Variants in NRXN3 observed in about 807,000 individuals in gnomAD.
NRXN3 encodes neurexin III.
A neutral mutation model predicts 137.6 loss-of-function variants in NRXN3; 32 were observed. That is an observed-to-expected ratio of 0.23 (90% CI 0.18 to 0.31). NRXN3 has a LOEUF of 0.31. Ranked by LOEUF, NRXN3 falls within the 10% of genes least tolerant of loss-of-function variation. NRXN3 has a pLI of 1.00. For synonymous variants in NRXN3, 798 were observed against 784.5 expected (o/e 1.02, Z -0.29); for missense variants, 1,574 against 2,062.5 (o/e 0.76, Z 4.59).
intron 15 of NRXN3, among the ~76,000 whole-genome samples, chr14:79,295,979 A>G (rs1264079361): frequency 6.6e-6 from 1 of 152,118 alleles, no homozygotes; most frequent in Non-Finnish European, 1.5e-5. Context: ...AGGGTGTCAG[A>G]CTCTTAAACA....
chr14:78,734,870 A>G lies in NRXN3; in HGVS notation c.2044+19731A>G, dbSNP rs114547757. On this transcript the variant is annotated intron_variant, in intron 8 of 20. Transcript: ENST00000335750. The stretch of plus-strand genomic sequence containing the variant: ...AGGGAAGAGGAGACAGGGCTTGGTC[A>G]TGTCATCACCTACTGGTAGAGTATG... Among the ~76,000 whole-genome samples, 717 of 152,314 alleles carry G rather than the reference A, an allele frequency of 4.7e-3. 7 individuals are homozygous for G. Among genetic ancestry groups the G allele is most frequent in the African/African-American group, 0.017 (693 of 41,580 alleles).
At chr14:78,900,434 A>AT (rs1174110550) in intron 10 of NRXN3, among the ~76,000 whole-genome samples, 8 of 137,930 alleles carry the variant, frequency 5.8e-5, no homozygotes, top group Admixed American at 1.4e-4. Context: ...AACCTCCTTC[A>AT]TTTTTTTTCT....
chr14:79,251,474 A>C (rs1394121323), intron 15 of NRXN3, among the ~76,000 whole-genome samples: 1 of 152,212 alleles, frequency 6.6e-6, no homozygotes, highest in Non-Finnish European at 1.5e-5. Flanking sequence ...TATACAACGT[A>C]CAATAAGTAG....
chr14:78,724,457 T>C (rs2098474077), intron 8 of NRXN3, among the ~76,000 whole-genome samples: 1 of 152,216 alleles, frequency 6.6e-6, no homozygotes, highest in Non-Finnish European at 1.5e-5. Flanking sequence ...GTAGAATAGA[T>C]GCTCAGATAC....
intron 15 of NRXN3, among the ~76,000 whole-genome samples, chr14:79,358,577 A>G (rs1417368447): frequency 7.4e-6 from 1 of 135,010 alleles, no homozygotes; most frequent in Non-Finnish European, 1.6e-5. Context: ...AAAAAAAAGA[A>G]AGAAAGAGAG....
At chr14:79,208,189 A>G (rs774041137) in intron 15 of NRXN3, among the ~76,000 whole-genome samples, 2 of 152,212 alleles carry the variant, frequency 1.3e-5, no homozygotes, top group African/African-American at 2.4e-5. Flanking sequence ...ATTCAAAACA[A>G]TTTAAACTGT....
intron 16 of NRXN3, among the ~76,000 whole-genome samples, chr14:79,533,704 C>T (rs1038924918): frequency 6.6e-6 from 1 of 152,134 alleles, no homozygotes; most frequent in African/African-American, 2.4e-5. Flanking sequence ...ATTGCATAAA[C>T]TTCCTTGCCC....
At chr14:79,283,381 C>T (rs1169993062) in intron 15 of NRXN3, among the ~76,000 whole-genome samples, 1 of 152,128 alleles carries the variant, frequency 6.6e-6, no homozygotes, top group Non-Finnish European at 1.5e-5. Context: ...AGCTGCTGTT[C>T]ATCAGTTGGT....
intron 15 of NRXN3, among the ~76,000 whole-genome samples, chr14:79,321,299 A>C (rs2089978071): frequency 6.6e-6 from 1 of 152,152 alleles, no homozygotes; most frequent in Admixed American, 6.5e-5. Context: ...GTGTGAAGAT[A>C]AGATACCATC....
intron 4 of NRXN3, among the ~76,000 whole-genome samples, chr14:78,372,687 A>G (rs2087084739): frequency 6.6e-6 from 1 of 152,168 alleles, no homozygotes; most frequent in South Asian, 2.1e-4. Context: ...ATCACTTGCA[A>G]CATATTGGTG....
At chr14:79,299,114 AT>A (rs1566718961) in intron 15 of NRXN3, among the ~76,000 whole-genome samples, 1 of 152,196 alleles carries the variant, frequency 6.6e-6, no homozygotes, top group African/African-American at 2.4e-5. Context: ...TTATTTATTT[AT>A]TTATTTGCTT....
intron 4 of NRXN3, among the ~76,000 whole-genome samples, chr14:78,520,793 G>A (rs2096273763): frequency 6.6e-6 from 1 of 152,182 alleles, no homozygotes; most frequent in African/African-American, 2.4e-5. Context: ...TTGTCCAACT[G>A]GTGCCCCTCA....
intron 1 of NRXN3, among the ~76,000 whole-genome samples, chr14:78,198,063 C>T (rs966631558): frequency 6.6e-6 from 1 of 152,254 alleles, no homozygotes; most frequent in African/African-American, 2.4e-5. Flanking sequence ...GCCCTGCTCT[C>T]CACACTCATC....
intron 15 of NRXN3, among the ~76,000 whole-genome samples, chr14:78,990,776 T>C (rs1045265686): frequency 2.6e-5 from 4 of 152,324 alleles, no homozygotes; most frequent in African/African-American, 9.6e-5. Context: ...GTAGATTGTT[T>C]AAAATTATTA....
intron 8 of NRXN3, among the ~76,000 whole-genome samples, chr14:78,773,540 T>A (rs1162299376): frequency 6.6e-6 from 1 of 152,204 alleles, no homozygotes; most frequent in Non-Finnish European, 1.5e-5. Context: ...CCCCTGCAGT[T>A]ATAAAACTTA....
At chr14:78,616,198 A>G (rs1176304084) in intron 4 of NRXN3, among the ~76,000 whole-genome samples, 1 of 152,104 alleles carries the variant, frequency 6.6e-6, no homozygotes, top group African/African-American at 2.4e-5. Flanking sequence ...AATGGTTTCC[A>G]TTTTTCTTAG....
chr14:78,528,993 A>G (rs1177915698), intron 4 of NRXN3, among the ~76,000 whole-genome samples: 1 of 152,170 alleles, frequency 6.6e-6, no homozygotes, highest in African/African-American at 2.4e-5. Flanking sequence ...TATTTTTCAC[A>G]TGAAGAAACT....
At chr14:79,033,085 A>T (rs539730570) in intron 15 of NRXN3, among the ~76,000 whole-genome samples, 1 of 152,142 alleles carries the variant, frequency 6.6e-6, no homozygotes, top group African/African-American at 2.4e-5. Context: ...GAACGTGTAC[A>T]TGCTGTTCCC....
At chr14:78,219,570 G>A (rs547155316) in intron 1 of NRXN3, among the ~76,000 whole-genome samples, 7 of 152,162 alleles carry the variant, frequency 4.6e-5, no homozygotes, top group Non-Finnish European at 7.3e-5. Context: ...ACTTAGACTC[G>A]ACGTCTTAAT....
Sources: allele counts gnomAD v4.1 joint callset (sites outside exome capture counted in the v4.1 genomes callset), GRCh38; gene constraint gnomAD v4.1.1; transcripts MANE v1.5; gene names NCBI Gene and HGNC (gene_info 2026-07-23, HGNC 2026-07-21).